BCL7A: variants seen among roughly 807,000 people sequenced by gnomAD.
The protein encoded by BCL7A is B-cell CLL/lymphoma 7 protein family member A.
A neutral mutation model predicts 28.4 loss-of-function variants in BCL7A; 11 were observed. The ratio of observed to expected loss-of-function variants is 0.39; its 90% CI spans 0.24 to 0.64. The LOEUF (loss-of-function observed/expected upper bound fraction) is 0.64. Ranked by LOEUF, BCL7A falls within the 30% of genes least tolerant of loss-of-function variation. The pLI is 0.50. For missense variants in BCL7A, 222 were observed against 274.8 expected (o/e 0.81, Z 1.36); for synonymous variants, 123 against 103.3 (o/e 1.19, Z -1.15).
At position 122,045,360 on chromosome 12, in the gene BCL7A, G is replaced by A. The variant is rs552231428; in HGVS notation, c.439+1307G>A. 2.1e-4 allele frequency among the ~76,000 whole-genome samples: 32 copies of A among 152,188 alleles called. 1 individual carries two copies. The highest frequency in any genetic ancestry group is 4.6e-4 in the Admixed American group (7 of 15,290). On this transcript the variant is annotated intron_variant, in intron 4 of 5. Transcript: ENST00000261822. The stretch of plus-strand genomic sequence containing the variant: ...TGTGCCATTGCACTCCAGTCTGGGC[G>A]ATAGAGCAAGACTCTGTCTCAGAAA...
intron 1 of BCL7A, among the ~76,000 whole-genome samples, chr12:122,025,318 CA>C (rs1326944596): frequency 7.6e-6 from 1 of 132,304 alleles, no homozygotes; most frequent in Non-Finnish European, 1.6e-5. Flanking sequence ...GGTCTCAAAC[CA>C]AAAAAAAAGA....
chr12:122,039,317 A>AT (rs1404160099), intron 3 of BCL7A, among the ~76,000 whole-genome samples: 6 of 148,482 alleles, frequency 4.0e-5, no homozygotes, highest in Admixed American at 2.7e-4. Context: ...GATTAAAAAA[A>AT]AAAATAATAA....
At chr12:122,022,530 T>A (rs1883488550) in intron 1 of BCL7A, among the ~76,000 whole-genome samples, 2 of 135,228 alleles carry the variant, frequency 1.5e-5, no homozygotes, top group South Asian at 2.6e-4. Context: ...CCAGAAGCCA[T>A]TTCGTTTTGT....
At chr12:122,041,511 T>G (rs1392754861) in intron 3 of BCL7A, among the ~76,000 whole-genome samples, 1 of 152,198 alleles carries the variant, frequency 6.6e-6, no homozygotes, top group Non-Finnish European at 1.5e-5. Flanking sequence ...AGGCCTATGA[T>G]CTCAGTGCTT....
At position 122,054,798 on chromosome 12, in the gene BCL7A, C is replaced by T; in HGVS notation, c.440-7C>T. 1 of 1,611,674 alleles carries T rather than the reference C, an allele frequency of 6.2e-7. No individual in the cohort carries two copies. Among genetic ancestry groups the T allele is most frequent in the Non-Finnish European group, 8.5e-7 (1 of 1,178,316 alleles). ...AAACAGCTCCTGTCGTCTTGCTCTT[C>T]CCTCAGATGCTTCTGATGAGCAGAA... On this transcript the variant is annotated splice_region_variant and splice_polypyrimidine_tract_variant and intron_variant, in intron 4 of 5. Coordinates refer to ENST00000261822, the MANE Select transcript of BCL7A (RefSeq NM_001024808.3).
At position 122,035,322 on chromosome 12, in the gene BCL7A, C is replaced by T; in HGVS notation, c.175-9C>T. ...GGTGACTTGGTTTCTGCTCCATTTT[C>T]CCCTGCAGAAAAACAAGAATAAGAA... On this transcript the variant is annotated splice_polypyrimidine_tract_variant and intron_variant, in intron 2 of 5. Coordinates refer to ENST00000261822, the MANE Select transcript of BCL7A (RefSeq NM_001024808.3). 1 of 1,612,486 alleles carries T rather than the reference C, an allele frequency of 6.2e-7. No individual in the cohort carries two copies. Among genetic ancestry groups the T allele is most frequent in the South Asian group, 1.1e-5 (1 of 91,014 alleles).
intron 3 of BCL7A, among the ~76,000 whole-genome samples, chr12:122,039,154 A>C (rs370168348): frequency 4.0e-5 from 6 of 151,728 alleles, no homozygotes; most frequent in African/African-American, 1.5e-4. Context: ...AAAATTAGCC[A>C]GGCGTGGTGG....
intron 3 of BCL7A, among the ~76,000 whole-genome samples, chr12:122,039,916 T>A (rs1883934140): frequency 6.6e-6 from 1 of 152,104 alleles, no homozygotes; most frequent in Admixed American, 6.6e-5. Flanking sequence ...CCCAGGCTGT[T>A]TCCAAACTCC....
At chr12:122,042,423 G>C (rs1282578404) in intron 3 of BCL7A, among the ~76,000 whole-genome samples, 1 of 152,038 alleles carries the variant, frequency 6.6e-6, no homozygotes, top group Non-Finnish European at 1.5e-5. Flanking sequence ...GGTAGGCTGA[G>C]GTGGGCAGAT....
rs185041107 is a variant in BCL7A at position 122,039,791 on chromosome 12, G to A, written c.272-4095G>A. ...TCACTTGAACCTGGAGGCAAAGGTT[G>A]CAGTGAGCTGAGATCATGCCACTGC... On this transcript the variant is annotated intron_variant, in intron 3 of 5. Transcript: ENST00000261822. Among the ~76,000 whole-genome samples, 97 of 151,366 alleles carry A rather than the reference G, an allele frequency of 6.4e-4. 1 individual carries two copies. Among genetic ancestry groups the A allele is most frequent in the African/African-American group, 2.2e-3 (92 of 41,222 alleles).
At chr12:122,036,088 G>A (rs1302966967) in intron 3 of BCL7A, among the ~76,000 whole-genome samples, 4 of 151,994 alleles carry the variant, frequency 2.6e-5, no homozygotes, top group Non-Finnish European at 5.9e-5. Flanking sequence ...TGATCTGCCC[G>A]CCACGGCCTC....
rs751057973 is a variant in BCL7A at position 122,059,135 on chromosome 12, C to T, written c.605C>T (p.Ala202Val). 2 of 1,612,816 alleles carry T rather than the reference C, an allele frequency of 1.2e-6. No homozygotes were observed. Among genetic ancestry groups the T allele is most frequent in the Admixed American group, 3.3e-5 (2 of 60,010 alleles). ...VPPSKKMKLE[A>V]SQQNSEEM ...CCCTCTAAAAAGATGAAACTGGAGGCCTCTCAACAAAACTCCGAAGAGATG... is the reference window on the plus strand; with the variant it reads ...CCCTCTAAAAAGATGAAACTGGAGGTCTCTCAACAAAACTCCGAAGAGATG... The change falls in exon 6 of 6, where the codon GCC becomes GTC. Residue 202 changes from alanine to valine, a missense_variant. Around this residue, in one of 2 missense-constraint regions of BCL7A, gnomAD observed 155 missense variants for 145.7 expected, o/e 1.06. Transcript: ENST00000261822. This position sits in a 1 kb window ranked among gnomAD's most constrained non-coding sequence, Gnocchi z 4.0.
chr12:122,051,508 G>A (rs368336521), intron 4 of BCL7A, among the ~76,000 whole-genome samples: 2 of 152,180 alleles, frequency 1.3e-5, no homozygotes, highest in East Asian at 1.9e-4. Context: ...GCACCGCAGC[G>A]CCCAGAGAAT....
intron 4 of BCL7A, among the ~76,000 whole-genome samples, chr12:122,045,405 T>C (rs1002706163): frequency 2.0e-5 from 3 of 151,736 alleles, no homozygotes; most frequent in Non-Finnish European, 2.9e-5. Context: ...AAGTTAATAA[T>C]AATACGGGGT....
In BCL7A at chr12:122,044,021, A is replaced by G; in HGVS notation, c.407A>G (p.Gln136Arg). Residue 136 changes from glutamine (Q) to arginine (R), a missense_variant, in exon 4 of 6, where the codon CAG (glutamine) becomes CGG (arginine). Physicochemically the swap from Gln to Arg is conservative, Grantham distance 43. Around this residue, in one of 2 missense-constraint regions of BCL7A, gnomAD observed 155 missense variants for 145.7 expected, o/e 1.06. Coordinates refer to ENST00000261822, the MANE Select transcript of BCL7A (RefSeq NM_001024808.3). ...ACCGAGGCCAAGGTGGATGAGGCCCAGGCTGATGGGAAGGAGCACCCAGGA... is the reference window on the plus strand; with the variant it reads ...ACCGAGGCCAAGGTGGATGAGGCCCGGGCTGATGGGAAGGAGCACCCAGGA... ...DGTEAKVDEA[Q>R]ADGKEHPGAE... is the part of the protein sequence containing the mutation. 6.2e-7 allele frequency: 1 copy of G among 1,613,816 alleles called. No individual in the cohort carries two copies. Among genetic ancestry groups the G allele is most frequent in the Non-Finnish European group, 8.5e-7 (1 of 1,179,918 alleles).
rs981658690 is a variant in BCL7A at position 122,061,653 on chromosome 12, C to T, written c.*2490C>T. On this transcript the variant is annotated 3_prime_UTR_variant, in exon 6 of 6. Transcript: ENST00000261822. ...CGGGGGATCCCGAGCAAAAGCCTTC[C>T]GTGGACATCAGGCCCCGTGGCCTCA... The T allele has an allele frequency of 9.0e-6, 2 of 221,644 alleles. No homozygotes were observed. The highest frequency in any genetic ancestry group is 2.2e-5 in the African/African-American group (1 of 44,698). The allele number at this position is 221,644 out of a possible 1,614,324, so 13.7% of individuals were successfully genotyped here.
chr12:122,024,273 T>G (rs1883560290), intron 1 of BCL7A, among the ~76,000 whole-genome samples: 1 of 152,314 alleles, frequency 6.6e-6, no homozygotes, highest in South Asian at 2.1e-4. Flanking sequence ...ACCTTGGGCA[T>G]ATCATTGTCA....
intron 2 of BCL7A, among the ~76,000 whole-genome samples, 175 bp from the exon 3 acceptor site, chr12:122,035,156 G>A (rs1883824472): frequency 6.6e-6 from 1 of 152,170 alleles, no homozygotes; most frequent in Non-Finnish European, 1.5e-5. Flanking sequence ...GAGACCCAGA[G>A]GCCAGTCCCT....
rs1015899337 is a variant in BCL7A, at chr12:122,060,463, G to A, written c.*1300G>A. 1.7e-5 allele frequency: 4 copies of A among 231,466 alleles called. No homozygotes were observed. The highest frequency in any genetic ancestry group is 3.4e-5 in the Non-Finnish European group (4 of 116,874). The allele number at this position is 231,466 out of a possible 1,614,324, so 14.3% of individuals were successfully genotyped here. The stretch of plus-strand genomic sequence containing the variant: ...CCCCTCCCTCCCATCCCCCACCTTC[G>A]CTGGAACAGCTTCCTCTCACTGAAC... On this transcript the variant is annotated 3_prime_UTR_variant, in exon 6 of 6. Coordinates refer to ENST00000261822, the MANE Select transcript of BCL7A (RefSeq NM_001024808.3).
Sources: gnomAD v4.1 joint callset for allele counts (sites outside exome capture counted in the v4.1 genomes callset) on GRCh38, gnomAD v4.1.1 for gene constraint, gnomAD v4.1.1 regional missense constraint, Gnocchi (gnomAD v3.1) non-coding constraint, MANE v1.5 for transcripts, NCBI Gene and HGNC (gene_info 2026-07-23, HGNC 2026-07-21) for gene names.